Variants in TMEM30A observed in about 807,000 individuals in gnomAD.
TMEM30A encodes the protein cell cycle control protein 50A.
A neutral mutation model predicts 38.2 loss-of-function variants in TMEM30A; 24 were observed. The observed-to-expected ratio is 0.63, with a 90% CI of 0.46 to 0.88. The LOEUF is 0.88. Ranked by LOEUF, TMEM30A falls within the 40% of genes least tolerant of loss-of-function variation. The pLI, the probability that TMEM30A is intolerant of heterozygous loss-of-function variation, is 0.00. For synonymous variants in TMEM30A, 145 were observed against 161.6 expected, an observed-to-expected ratio of 0.90 and a Z score of 0.78; for missense variants, 370 against 458.6, an observed-to-expected ratio of 0.81 and a Z score of 1.77.
Position 75,258,777 on chromosome 6 carries a change from T to C in TMEM30A, c.892+3A>G, listed in dbSNP as rs1304983073. 1.2e-6 allele frequency: 2 copies of C among 1,613,474 alleles called. No homozygotes were observed. The highest frequency in any genetic ancestry group is 1.1e-5 in the South Asian group (1 of 91,044). Reference sequence around the variant, plus strand: ...ATCTGTATACCCAGCCAAAAAAGGATACTGTATGTGACATTCAAAGAGTAT... The same window carrying C: ...ATCTGTATACCCAGCCAAAAAAGGACACTGTATGTGACATTCAAAGAGTAT... On this transcript the variant is annotated splice_donor_region_variant and intron_variant, in intron 6 of 6. Coordinates refer to ENST00000230461, the MANE Select transcript of TMEM30A (RefSeq NM_018247.4).
At chr6:75,275,398 T>C (rs1456564010) in intron 1 of TMEM30A, among the ~76,000 whole-genome samples, 1 of 152,208 alleles carries the variant, frequency 6.6e-6, no homozygotes, top group East Asian at 1.9e-4. Context: ...TACTCATTAT[T>C]CCCAACTTGG....
chr6:75,276,371 G>A (rs1266516423), intron 1 of TMEM30A, among the ~76,000 whole-genome samples: 3 of 152,206 alleles, frequency 2.0e-5, no homozygotes, highest in Admixed American at 6.5e-5. Flanking sequence ...AGTACAGGTC[G>A]CAGCCTGGGA....
intron 2 of TMEM30A, among the ~76,000 whole-genome samples, chr6:75,266,906 A>G (rs1772078273): frequency 1.3e-5 from 2 of 152,174 alleles, no homozygotes; most frequent in African/African-American, 4.8e-5. Context: ...AGCATCTATA[A>G]CCACTAGATG....
intron 1 of TMEM30A, among the ~76,000 whole-genome samples, chr6:75,273,439 T>A (rs2149522933): frequency 6.6e-6 from 1 of 151,082 alleles, no homozygotes; most frequent in African/African-American, 2.4e-5. Context: ...TGGAGTTCAG[T>A]ATCTAACACA....
chr6:75,256,192 A>G lies in TMEM30A; in HGVS notation c.996T>C (p.Val332=). The G allele has an allele frequency of 6.2e-7, 1 of 1,613,592 alleles. No individual in the cohort carries two copies. The highest frequency in any genetic ancestry group is 8.5e-7 in the Non-Finnish European group (1 of 1,179,582). ...CTCCCAGAAGGAAGGAGATGGATCCAACAGCGATGTAAGCAATCCCCAAAA... is the reference window on the plus strand; with the variant it reads ...CTCCCAGAAGGAAGGAGATGGATCCGACAGCGATGTAAGCAATCCCCAAAA... The part of the protein sequence containing the change: ...NPFLGIAYIA[V]GSISFLLGVV... Residue 332 remains valine (V), a synonymous_variant, in exon 7 of 7, where the codon GTT becomes GTC. Transcript: ENST00000230461.
At chr6:75,276,412 T>C (rs1191144392) in intron 1 of TMEM30A, among the ~76,000 whole-genome samples, 1 of 152,178 alleles carries the variant, frequency 6.6e-6, no homozygotes, top group Non-Finnish European at 1.5e-5. Flanking sequence ...TGAGAGGCAG[T>C]CTTGTGGGAC....
rs369577113 is a variant in TMEM30A at position 75,283,661 on chromosome 6, AAAAACAAAAC to A, written c.237+731_237+740del. On this transcript the variant is annotated intron_variant, in intron 1 of 6. Transcript: ENST00000230461. ...GTCACTGGCTCTTTTTGTAAAAAAA[AAAAACAAAAC>A]AAAACAAGACAAAACAAAAACCCAG... is the stretch of plus-strand genomic sequence containing the variant. Among the ~76,000 whole-genome samples the A allele has an allele frequency of 2.6e-5, 4 of 152,156 alleles. No homozygotes were observed. In the South Asian group the frequency reaches 6.2e-4, roughly 24 times the overall value.
chr6:75,271,080 C>G (rs1204618046), intron 1 of TMEM30A, among the ~76,000 whole-genome samples: 1 of 151,612 alleles, frequency 6.6e-6, no homozygotes, highest in Non-Finnish European at 1.5e-5. Context: ...GAAAAACAAA[C>G]TATATTTTAA....
At chr6:75,276,238 C>A (rs1217886898) in intron 1 of TMEM30A, among the ~76,000 whole-genome samples, 3 of 152,208 alleles carry the variant, frequency 2.0e-5, no homozygotes, top group Non-Finnish European at 4.4e-5. Context: ...TGTGTAATAT[C>A]CTTTATAATA....
chr6:75,268,806 G>C lies in TMEM30A; in HGVS notation c.238-1058C>G, dbSNP rs189164581. ...GTTGACAAGAAGTATGAGTGGCCTG[G>C]GAACTTGAATTGCAGCTGGTGTCTG... On this transcript the variant is annotated intron_variant, in intron 1 of 6. Coordinates refer to ENST00000230461, the MANE Select transcript of TMEM30A (RefSeq NM_018247.4). 1.4e-3 allele frequency among the ~76,000 whole-genome samples: 215 copies of C among 152,210 alleles called. 1 individual carries two copies. Among genetic ancestry groups the C allele is most frequent in the African/African-American group, 4.9e-3 (203 of 41,524 alleles).
At chr6:75,260,049 C>A (rs1057075280) in intron 4 of TMEM30A, among the ~76,000 whole-genome samples, 3 of 152,128 alleles carry the variant, frequency 2.0e-5, no homozygotes, top group African/African-American at 7.2e-5. Context: ...TTACATAAAA[C>A]ATATTGCTAA....
At chr6:75,274,320 A>T (rs1772224236) in intron 1 of TMEM30A, among the ~76,000 whole-genome samples, 1 of 152,222 alleles carries the variant, frequency 6.6e-6, no homozygotes, top group African/African-American at 2.4e-5. Context: ...CCTATCATGA[A>T]GAAAATTACA....
intron 1 of TMEM30A, among the ~76,000 whole-genome samples, chr6:75,273,615 T>TG (rs1183781202): frequency 6.6e-6 from 1 of 152,156 alleles, no homozygotes; most frequent in African/African-American, 2.4e-5. Flanking sequence ...CATCCCTGAC[T>TG]GGGGGCTTGG....
intron 6 of TMEM30A, among the ~76,000 whole-genome samples, chr6:75,258,307 A>C (rs1771903199): frequency 6.6e-6 from 1 of 152,216 alleles, no homozygotes; most frequent in Non-Finnish European, 1.5e-5. Context: ...ATTAATATGG[A>C]ACAATATAGC....
chr6:75,274,355 T>C (rs1772224775), intron 1 of TMEM30A, among the ~76,000 whole-genome samples: 1 of 152,094 alleles, frequency 6.6e-6, no homozygotes, highest in Non-Finnish European at 1.5e-5. Context: ...GTTTGAACAG[T>C]ATCCTGAATG....
chr6:75,271,068 C>A (rs1772159546), intron 1 of TMEM30A, among the ~76,000 whole-genome samples: 1 of 151,926 alleles, frequency 6.6e-6, no homozygotes, highest in Admixed American at 6.5e-5. Context: ...AAAGACCATT[C>A]AGAAAAACAA....
chr6:75,266,921 C>A (rs79466348), intron 2 of TMEM30A, among the ~76,000 whole-genome samples: 3,462 of 152,230 alleles, frequency 0.023, 72 homozygotes, highest in Middle Eastern at 0.044. Context: ...TAGATGGCAA[C>A]CAACTATTAG....
At chr6:75,258,214 G>C (rs1771900897) in intron 6 of TMEM30A, among the ~76,000 whole-genome samples, 2 of 152,166 alleles carry the variant, frequency 1.3e-5, no homozygotes, top group Admixed American at 6.6e-5. Context: ...CCTGAATTAA[G>C]TAATGAGCGG....
chr6:75,267,415 T>C (rs1772088050), intron 2 of TMEM30A, among the ~76,000 whole-genome samples: 1 of 152,178 alleles, frequency 6.6e-6, no homozygotes, highest in Non-Finnish European at 1.5e-5. Context: ...TATCTTAAAT[T>C]TTGTCTACAA....
Sources: gnomAD v4.1 joint callset for allele counts (sites outside exome capture counted in the v4.1 genomes callset) on GRCh38, gnomAD v4.1.1 for gene constraint, MANE v1.5 for transcripts, NCBI Gene and HGNC (gene_info 2026-07-23, HGNC 2026-07-21) for gene names.